Variants in UGT3A2 observed in about 807,000 individuals in gnomAD.
The protein encoded by UGT3A2 is UDP-glycosyltransferase 3A2.
UGT3A2 carries 32 observed loss-of-function variants against 39.8 expected under a neutral mutation model. The ratio of observed to expected loss-of-function variants is 0.80; its 90% CI spans 0.61 to 1.08. UGT3A2 has a LOEUF of 1.08. UGT3A2 is among the 50% of genes least tolerant of loss of function. The probability of loss-of-function intolerance (pLI) is 0.00; values close to 1 mark genes in which losing one functional copy is unlikely to be tolerated. For synonymous variants in UGT3A2, 241 were observed against 230.7 expected (o/e 1.04, Z -0.40); for missense variants, 611 against 637.1 (o/e 0.96, Z 0.44).
At chr5:36,038,210 A>G (rs1044619136) in intron 5 of UGT3A2, among the ~76,000 whole-genome samples, 194 bp from the exon 6 acceptor site, 15 of 152,228 alleles carry the variant, frequency 9.9e-5, no homozygotes, top group African/African-American at 7.2e-5. Context: ...TATCGTATGG[A>G]AACATCTTCC....
At chr5:36,048,846 G>T (rs574680559) in intron 4 of UGT3A2, 43 bp downstream of exon 4, 1 of 1,589,332 alleles carries the variant, frequency 6.3e-7, no homozygotes, top group Admixed American at 1.7e-5. Context: ...TGCACTGAAG[G>T]CCTCTGCGTG....
At chr5:36,036,021 G>C (rs376365672) in intron 6 of UGT3A2, 47 bp from the exon 7 acceptor site, 5 of 1,593,352 alleles carry the variant, frequency 3.1e-6, no homozygotes, top group Non-Finnish European at 4.3e-6. Context: ...GACCTCACAA[G>C]AGTTAGAATG....
At position 36,035,723 on chromosome 5, in the gene UGT3A2, C is replaced by G; in HGVS notation, c.1547G>C (p.Gly516Ala). The G allele has an allele frequency of 6.2e-7, 1 of 1,614,132 alleles. No individual in the cohort carries two copies. The highest frequency in any genetic ancestry group is 8.5e-7 in the Non-Finnish European group (1 of 1,180,018). Reference protein sequence around the residue: ...LLGMAVWWLRGARKVKET With the variant: ...LLGMAVWWLRAARKVKET ...TTATGTCTCCTTCACCTTTCTGGCC[C>G]CACGCAGCCACCAGACAGCCATGCC... Residue 516 changes from glycine to alanine, a missense_variant, in exon 7 of 7, where the codon GGG becomes GCG. Physicochemically the swap from Gly to Ala is moderately conservative, Grantham distance 60. Coordinates refer to ENST00000282507, the MANE Select transcript of UGT3A2 (RefSeq NM_174914.4).
intron 3 of UGT3A2, among the ~76,000 whole-genome samples, chr5:36,051,203 A>C (rs904922323): frequency 6.6e-6 from 1 of 152,302 alleles, no homozygotes; most frequent in Middle Eastern, 3.4e-3. Context: ...AAAGAAGAGT[A>C]GGTAAGGCCA....
chr5:36,039,681 C>A lies in UGT3A2; in HGVS notation c.871G>T (p.Gly291Trp), dbSNP rs748011025. Residue 291 changes from glycine to tryptophan, a missense_variant, in exon 5 of 7, where the codon GGG (glycine) becomes TGG (tryptophan). Coordinates refer to ENST00000282507, the MANE Select transcript of UGT3A2 (RefSeq NM_174914.4). ...QDLENFIAKF[G>W]DSGFVLVTLG... is the part of the protein sequence containing the mutation. ...GTCACAAGGACAAAACCAGAGTCCCCAAACTTGGCAATGAAGTTCTCCAAG... is the reference window on the plus strand; with the variant it reads ...GTCACAAGGACAAAACCAGAGTCCCAAAACTTGGCAATGAAGTTCTCCAAG... 1 of 1,614,122 alleles carries A rather than the reference C, an allele frequency of 6.2e-7. No individual in the cohort carries two copies. The highest frequency in any genetic ancestry group is 8.5e-7 in the Non-Finnish European group (1 of 1,180,026).
intron 3 of UGT3A2, 61 bp from the exon 4 acceptor site, chr5:36,049,481 G>C (rs1742276459): frequency 7.7e-7 from 1 of 1,301,734 alleles, no homozygotes; most frequent in Non-Finnish European, 1.0e-6. Flanking sequence ...GTACATAAAA[G>C]TATCTTGAGA....
intron 4 of UGT3A2, among the ~76,000 whole-genome samples, chr5:36,043,970 A>G (rs897844252): frequency 1.3e-5 from 2 of 152,084 alleles, no homozygotes; most frequent in African/African-American, 4.8e-5. Context: ...TCTAAAAAAC[A>G]TAGAAGAGAG....
chr5:36,059,963 G>C (rs1742635606), intron 2 of UGT3A2, among the ~76,000 whole-genome samples: 1 of 152,168 alleles, frequency 6.6e-6, no homozygotes, highest in African/African-American at 2.4e-5. Context: ...CACAGGCCTG[G>C]TTCCCCCAGT....
At position 36,066,779 on chromosome 5, in the gene UGT3A2, T is replaced by C. The variant is rs1742895191; in HGVS notation, c.11A>G (p.Gln4Arg). ...GAAGCCCACTAGAAGAAGCACTCGC[T>C]GCCCAGCCATGCTCACTTCTACGGA... Reference protein sequence around the residue: MAGQRVLLLVGFLL... With the variant: MAGRRVLLLVGFLL... The change falls in exon 1 of 7, where the codon CAG becomes CGG. Residue 4 changes from glutamine to arginine, a missense_variant. By Grantham distance (43) the Gln-to-Arg change is conservative. Transcript: ENST00000282507. 1 of 1,614,096 alleles carries C rather than the reference T, an allele frequency of 6.2e-7. No homozygotes were observed. The highest frequency in any genetic ancestry group is 1.3e-5 in the African/African-American group (1 of 74,948).
At chr5:36,041,150 C>A (rs975661477) in intron 4 of UGT3A2, among the ~76,000 whole-genome samples, 4 of 152,014 alleles carry the variant, frequency 2.6e-5, no homozygotes, top group Non-Finnish European at 4.4e-5. Flanking sequence ...TCAGCAGTAG[C>A]CAGGCAGTAC....
At chr5:36,050,263 C>CAAAA (rs1194776632) in intron 3 of UGT3A2, among the ~76,000 whole-genome samples, 1 of 151,966 alleles carries the variant, frequency 6.6e-6, no homozygotes, top group Non-Finnish European at 1.5e-5. Context: ...TGCAAAGGGA[C>CAAAA]GATTCTTTTG....
chr5:36,041,803 G>A (rs909469008), intron 4 of UGT3A2, among the ~76,000 whole-genome samples: 2 of 152,102 alleles, frequency 1.3e-5, no homozygotes, highest in Non-Finnish European at 2.9e-5. Flanking sequence ...AGCCCAGACT[G>A]CAAAGATTAG....
At chr5:36,052,080 G>A (rs1247991389) in intron 2 of UGT3A2, 96 bp from the exon 3 acceptor site, 4 of 742,812 alleles carry the variant, frequency 5.4e-6, no homozygotes, top group Non-Finnish European at 8.6e-6. Context: ...CAAAGATTAT[G>A]TATGTATTTG....
intron 4 of UGT3A2, among the ~76,000 whole-genome samples, chr5:36,044,004 TTTA>T (rs1742089974): frequency 6.6e-6 from 1 of 151,942 alleles, no homozygotes; most frequent in Non-Finnish European, 1.5e-5. Context: ...CTGTATTACC[TTTA>T]TACCAAAACC....
Position 36,066,733 on chromosome 5 carries a change from G to A in UGT3A2, c.57C>T (p.Leu19=). The part of the protein sequence containing the change: ...LVGFLLPGVL[L]SEAAKILTIS... ...TTGTCAGGATTTTGGCAGCCTCTGA[G>A]AGCAGGACCCCAGGGAGAAGGAAGC... The change falls in exon 1 of 7, where the codon CTC becomes CTT. Residue 19 remains leucine, a synonymous_variant. Transcript: ENST00000282507. 1 of 1,614,202 alleles carries A rather than the reference G, an allele frequency of 6.2e-7. No homozygotes were observed. Among genetic ancestry groups the A allele is most frequent in the Admixed American group, 1.7e-5 (1 of 60,026 alleles).
Position 36,035,972 on chromosome 5 carries a change from T to A in UGT3A2, c.1298A>T (p.Tyr433Phe). ...KMKQIMEDKRYKSAAVAASVI... is the reference protein window; with the variant it reads ...KMKQIMEDKRFKSAAVAASVI... ...ACTGGCAGCCACTGCCGCGGACTTG[T>A]ATCTGTTGAGAGAGATAGAGAGGGG... The change falls in exon 7 of 7, where the codon TAC (tyrosine) becomes TTC (phenylalanine). Residue 433 changes from tyrosine (Y) to phenylalanine (F), a missense_variant and splice_region_variant. Coordinates refer to ENST00000282507, the MANE Select transcript of UGT3A2 (RefSeq NM_174914.4). 1 of 1,613,540 alleles carries A rather than the reference T, an allele frequency of 6.2e-7. No homozygotes were observed. The highest frequency in any genetic ancestry group is 8.5e-7 in the Non-Finnish European group (1 of 1,179,532).
At chr5:36,052,683 C>G (rs1742385105) in intron 2 of UGT3A2, among the ~76,000 whole-genome samples, 1 of 152,114 alleles carries the variant, frequency 6.6e-6, no homozygotes, top group Admixed American at 6.5e-5. Flanking sequence ...GTCATCCCTC[C>G]CTGCTCTCTA....
intron 2 of UGT3A2, among the ~76,000 whole-genome samples, chr5:36,062,052 G>A (rs1282597201): frequency 6.6e-6 from 1 of 151,794 alleles, no homozygotes; most frequent in Non-Finnish European, 1.5e-5. Flanking sequence ...TTTGAGAAGT[G>A]TCTGTTCATG....
chr5:36,036,126 A>C, intron 6 of UGT3A2, 152 bp from the exon 7 acceptor site: 1 of 995,232 alleles, frequency 1.0e-6, no homozygotes, highest in Non-Finnish European at 1.5e-6. Context: ...AAATTTAATC[A>C]TGACACCTAC....
Sources: gnomAD v4.1 joint callset for allele counts (sites outside exome capture counted in the v4.1 genomes callset) on GRCh38, gnomAD v4.1.1 for gene constraint, MANE v1.5 for transcripts, NCBI Gene and HGNC (gene_info 2026-07-23, HGNC 2026-07-21) for gene names.